Variants in KCNIP4 observed in about 807,000 individuals in gnomAD.
KCNIP4 encodes the protein potassium voltage-gated channel interacting protein 4.
KCNIP4 carries 12 observed loss-of-function variants against 34.0 expected under a neutral mutation model. That is an observed-to-expected ratio of 0.35 (90% CI 0.23 to 0.57). The LOEUF is 0.57. Ranked by LOEUF, KCNIP4 falls within the 20% of genes least tolerant of loss-of-function variation. The pLI is 0.83. For missense variants in KCNIP4, 238 were observed against 311.7 expected, an observed-to-expected ratio of 0.76 and a Z score of 1.78; for synonymous variants, 124 against 102.2, an observed-to-expected ratio of 1.21 and a Z score of -1.29.
intron 1 of KCNIP4, among the ~76,000 whole-genome samples, chr4:21,590,101 G>A (rs1577652887): frequency 6.6e-6 from 1 of 152,002 alleles, no homozygotes; most frequent in Middle Eastern, 3.4e-3. Context: ...GTATAAAAGT[G>A]GTATTATGAA....
intron 1 of KCNIP4, among the ~76,000 whole-genome samples, chr4:21,719,985 A>C (rs1329717997): frequency 7.9e-6 from 1 of 125,856 alleles, no homozygotes; most frequent in East Asian, 3.0e-4. Context: ...AAAAAGAAGA[A>C]GAGGAAGAAG....
rs186861103 is a variant in KCNIP4, at chr4:21,816,109, C to G, written c.61+132462G>C. Among the ~76,000 whole-genome samples, 4 of 152,094 alleles carry G rather than the reference C, an allele frequency of 2.6e-5. No homozygotes were observed. The East Asian group carries it at 5.8e-4, about 22-fold the overall frequency. On this transcript the variant is annotated intron_variant, in intron 1 of 8. Coordinates refer to ENST00000382152, the MANE Select transcript of KCNIP4 (RefSeq NM_025221.6). ...CATTTTTTCTTATACAAAATCAAAG[C>G]CAGAGTTATGAACTCATTTAAAAGA...
intron 1 of KCNIP4, among the ~76,000 whole-genome samples, chr4:21,857,426 C>A (rs1468692970): frequency 6.6e-6 from 1 of 152,050 alleles, no homozygotes; most frequent in African/African-American, 2.4e-5. Flanking sequence ...GAGCTACCCA[C>A]ACCAGGGTCT....
At chr4:20,950,990 T>C (rs1471601741) in intron 1 of KCNIP4, among the ~76,000 whole-genome samples, 1 of 152,180 alleles carries the variant, frequency 6.6e-6, no homozygotes, top group Non-Finnish European at 1.5e-5. Context: ...CCAGTGTGGC[T>C]GTATTTGAAG....
At chr4:21,563,154 A>G (rs1739591665) in intron 1 of KCNIP4, among the ~76,000 whole-genome samples, 1 of 151,876 alleles carries the variant, frequency 6.6e-6, no homozygotes, top group African/African-American at 2.4e-5. Context: ...GCTAATAACT[A>G]CTAGATTTTT....
At chr4:21,810,598 G>A (rs1721581974) in intron 1 of KCNIP4, among the ~76,000 whole-genome samples, 1 of 150,830 alleles carries the variant, frequency 6.6e-6, no homozygotes, top group African/African-American at 2.5e-5. Flanking sequence ...GCTGAGGCAG[G>A]AGAATGGCAT....
intron 1 of KCNIP4, among the ~76,000 whole-genome samples, chr4:21,366,325 C>T (rs1719761589): frequency 6.6e-6 from 1 of 152,154 alleles, no homozygotes; most frequent in Admixed American, 6.5e-5. Context: ...GCATGCAACG[C>T]AGTGATTATG....
At chr4:21,674,688 C>T (rs1311173753) in intron 1 of KCNIP4, among the ~76,000 whole-genome samples, 2 of 151,958 alleles carry the variant, frequency 1.3e-5, no homozygotes, top group Non-Finnish European at 1.5e-5. Context: ...AATTTTAATC[C>T]TATATCATAC....
chr4:21,132,171 T>C lies in KCNIP4; in HGVS notation c.62-249462A>G, dbSNP rs115963756. ...CAGAATCTTCCATGCAAAATGTTTA[T>C]CAAGCCTCGTAAAAGCACCAACAAC... is the stretch of plus-strand genomic sequence containing the variant. On this transcript the variant is annotated intron_variant, in intron 1 of 8. Coordinates refer to ENST00000382152, the MANE Select transcript of KCNIP4 (RefSeq NM_025221.6). Among the ~76,000 whole-genome samples the C allele has an allele frequency of 1.8e-3, 274 of 152,346 alleles. 2 individuals are homozygous for C. Among genetic ancestry groups the C allele is most frequent in the African/African-American group, 6.1e-3 (254 of 41,588 alleles).
At chr4:20,763,890 G>A (rs891027223) in intron 3 of KCNIP4, among the ~76,000 whole-genome samples, 1 of 152,094 alleles carries the variant, frequency 6.6e-6, no homozygotes, top group Non-Finnish European at 1.5e-5. Flanking sequence ...AAGTCATTTA[G>A]CAGTATAAAT....
At chr4:21,249,944 G>A (rs1760570621) in intron 1 of KCNIP4, among the ~76,000 whole-genome samples, 1 of 152,016 alleles carries the variant, frequency 6.6e-6, no homozygotes, top group African/African-American at 2.4e-5. Flanking sequence ...ATGAACGAGA[G>A]CACTGTCTTG....
intron 1 of KCNIP4, among the ~76,000 whole-genome samples, chr4:21,696,163 A>G (rs1449324521): frequency 6.6e-6 from 1 of 152,164 alleles, no homozygotes; most frequent in Non-Finnish European, 1.5e-5. Context: ...ATCTATTAAT[A>G]TTTGATGATG....
intron 1 of KCNIP4, among the ~76,000 whole-genome samples, chr4:20,921,107 A>G (rs1313364746): frequency 6.6e-6 from 1 of 152,234 alleles, no homozygotes; most frequent in Admixed American, 6.5e-5. Flanking sequence ...AGTCCAGTTA[A>G]GAGGTGATGA....
chr4:21,336,199 A>G (rs1716162653), intron 1 of KCNIP4, among the ~76,000 whole-genome samples: 2 of 152,146 alleles, frequency 1.3e-5, no homozygotes, highest in Admixed American at 6.6e-5. Flanking sequence ...CTTGTATAAC[A>G]TTAAATTTTT....
intron 1 of KCNIP4, among the ~76,000 whole-genome samples, chr4:21,639,601 T>C (rs964751792): frequency 6.6e-6 from 1 of 152,208 alleles, no homozygotes; most frequent in Non-Finnish European, 1.5e-5. Flanking sequence ...TGTTTCTTCT[T>C]GTTTCAAAAA....
intron 3 of KCNIP4, among the ~76,000 whole-genome samples, chr4:20,806,354 C>T (rs16870017): frequency 0.1 from 15,311 of 151,684 alleles, 1,047 homozygotes; most frequent in African/African-American, 0.2. Flanking sequence ...TTTTTTATTT[C>T]TGTACTATGT....
Position 20,850,591 on chromosome 4 carries a change from G to T in KCNIP4, c.240C>A (p.Ser80Arg). The part of the protein sequence containing the change: ...PEALELLEAQ[S>R]KFTKKELQIL... ...TCTGAAGCTCTTTCTTGGTAAATTT[G>T]CTCTGGGCTTCCAGAAGCTCAAGGG... Residue 80 changes from serine to arginine, a missense_variant, in exon 3 of 9, where the codon AGC becomes AGA. Ser to Arg is a moderately radical substitution (Grantham distance 110, BLOSUM62 -1). Transcript: ENST00000382152. 6.2e-7 allele frequency: 1 copy of T among 1,612,870 alleles called. No homozygotes were observed. The highest frequency in any genetic ancestry group is 8.5e-7 in the Non-Finnish European group (1 of 1,179,720).
chr4:21,591,654 A>G (rs1193921138), intron 1 of KCNIP4, among the ~76,000 whole-genome samples: 2 of 152,180 alleles, frequency 1.3e-5, no homozygotes, highest in East Asian at 3.9e-4. Context: ...TGGTGACTTC[A>G]GTAATTCTGG....
At chr4:21,385,851 T>A (rs1721980389) in intron 1 of KCNIP4, among the ~76,000 whole-genome samples, 1 of 152,144 alleles carries the variant, frequency 6.6e-6, no homozygotes, top group African/African-American at 2.4e-5. Context: ...CAAATGAGTG[T>A]GTCCCAAGTG....
Sources: gnomAD v4.1 joint callset for allele counts (sites outside exome capture counted in the v4.1 genomes callset) on GRCh38, gnomAD v4.1.1 for gene constraint, MANE v1.5 for transcripts, NCBI Gene and HGNC (gene_info 2026-07-23, HGNC 2026-07-21) for gene names.